The following RPRD1B variants were observed in gnomAD, a reference collection of about 807,000 sequenced individuals.
The protein encoded by RPRD1B is regulation of nuclear pre-mRNA domain-containing protein 1B.
A neutral mutation model predicts 41.5 loss-of-function variants in RPRD1B; 11 were observed. The observed-to-expected ratio is 0.27, with a 90% CI of 0.17 to 0.44. The LOEUF is 0.44. Among genes scored for constraint, RPRD1B ranks in the 20% least tolerant of loss-of-function variants. The pLI is 1.00. For synonymous variants in RPRD1B, 158 were observed against 155.6 expected, an observed-to-expected ratio of 1.02 and a Z score of -0.12; for missense variants, 248 against 389.9, an observed-to-expected ratio of 0.64 and a Z score of 3.06.
intron 6 of RPRD1B, among the ~76,000 whole-genome samples, chr20:38,067,739 G>A (rs369737263): frequency 7.9e-5 from 12 of 152,228 alleles, no homozygotes; most frequent in South Asian, 4.1e-4. Context: ...CCTAAAGGGA[G>A]TTTTACAGGC....
At chr20:38,060,279 A>T (rs1568652742) in intron 5 of RPRD1B, among the ~76,000 whole-genome samples, 2 of 152,162 alleles carry the variant, frequency 1.3e-5, no homozygotes, top group Non-Finnish European at 2.9e-5. Flanking sequence ...CCCCTTACAA[A>T]AGCTCAGACC....
At chr20:38,049,359 C>CTTT (rs367731624) in intron 3 of RPRD1B, among the ~76,000 whole-genome samples, 1 of 126,408 alleles carries the variant, frequency 7.9e-6, no homozygotes, top group African/African-American at 3.3e-5. Context: ...TTTTTTCTTT[C>CTTT]TTTTTTTCTT....
At chr20:38,035,224 A>C (rs1326316910) in intron 1 of RPRD1B, among the ~76,000 whole-genome samples, 1 of 152,208 alleles carries the variant, frequency 6.6e-6, no homozygotes, top group Admixed American at 6.5e-5. Context: ...AGTTGCTTAC[A>C]GTCTGGTGGG....
At chr20:38,086,936 G>T (rs760612868) in intron 6 of RPRD1B, among the ~76,000 whole-genome samples, 35 of 152,098 alleles carry the variant, frequency 2.3e-4, no homozygotes, top group Non-Finnish European at 4.7e-4. Flanking sequence ...CTGTTGTTTG[G>T]TTTTTTGGGG....
At chr20:38,049,890 T>C in intron 3 of RPRD1B, 1 of 469,706 alleles carries the variant, frequency 2.1e-6, no homozygotes, top group Non-Finnish European at 4.4e-6. Flanking sequence ...CTTCCTCACT[T>C]ACACTGTATT....
intron 2 of RPRD1B, among the ~76,000 whole-genome samples, chr20:38,046,952 G>A (rs1040491747): frequency 2.0e-5 from 3 of 152,152 alleles, no homozygotes; most frequent in South Asian, 2.1e-4. Flanking sequence ...TTGAAAACTC[G>A]AGAACAGGTT....
chr20:38,061,631 A>G (rs2074298389), intron 5 of RPRD1B, among the ~76,000 whole-genome samples: 1 of 152,030 alleles, frequency 6.6e-6, no homozygotes, highest in African/African-American at 2.4e-5. Flanking sequence ...TCCTCTAGCT[A>G]CTGCCTCATT....
intron 1 of RPRD1B, among the ~76,000 whole-genome samples, chr20:38,039,793 G>A (rs918948998): frequency 2.0e-5 from 3 of 148,716 alleles, no homozygotes; most frequent in African/African-American, 7.5e-5. Flanking sequence ...GAGTACAGTA[G>A]TGCAATCTCG....
intron 6 of RPRD1B, among the ~76,000 whole-genome samples, chr20:38,082,627 T>TC (rs1308662686): frequency 1.3e-5 from 2 of 152,200 alleles, no homozygotes; most frequent in Admixed American, 6.5e-5. Flanking sequence ...GACCTCGTGA[T>TC]CCGCCTGCCT....
intron 6 of RPRD1B, among the ~76,000 whole-genome samples, chr20:38,081,248 T>A (rs1242594855): frequency 6.6e-6 from 1 of 152,242 alleles, no homozygotes; most frequent in Non-Finnish European, 1.5e-5. Context: ...CTTTGAGCAG[T>A]GTTTTGTAAT....
chr20:38,034,144 C>T, intron 1 of RPRD1B, 46 bp downstream of exon 1: 2 of 1,587,208 alleles, frequency 1.3e-6, no homozygotes, highest in Non-Finnish European at 1.7e-6. Context: ...GGATTGTCCT[C>T]TCGCCCACAT....
rs561843624 is a variant in RPRD1B at position 38,066,074 on chromosome 20, T to G, written c.656-7T>G. 6.2e-7 allele frequency: 1 copy of G among 1,614,002 alleles called. No homozygotes were observed. The highest frequency in any genetic ancestry group is 1.3e-5 in the African/African-American group (1 of 75,048). ...TTTCTCTATTTTTTGGTCTCATTTG[T>G]ACTTAGACAAAGAGGCAGCTGAACG... On this transcript the variant is annotated splice_region_variant and splice_polypyrimidine_tract_variant and intron_variant, in intron 5 of 6. Transcript: ENST00000373433.
Position 38,090,167 on chromosome 20 carries a change from T to TA in RPRD1B, c.*293dup. ...GGTTTTCCATTCTTAACTGTCTCCTTATACCTAAGAAGTTATGAAAATCAT... is the reference window on the plus strand; with the variant it reads ...GGTTTTCCATTCTTAACTGTCTCCTTAATACCTAAGAAGTTATGAAAATCAT... On this transcript the variant is annotated 3_prime_UTR_variant, in exon 7 of 7. Coordinates refer to ENST00000373433, the MANE Select transcript of RPRD1B (RefSeq NM_021215.4). 1 of 1,095,016 alleles carries TA rather than the reference T, an allele frequency of 9.1e-7. No homozygotes were observed. Among genetic ancestry groups the TA allele is most frequent in the Non-Finnish European group, 1.1e-6 (1 of 899,128 alleles). 67.8% of individuals were successfully genotyped at this position (1,095,016 alleles called of 1,614,324 possible).
intron 6 of RPRD1B, among the ~76,000 whole-genome samples, chr20:38,089,205 GGAAT>G (rs2074590428): frequency 6.6e-6 from 1 of 152,178 alleles, no homozygotes; most frequent in South Asian, 2.1e-4. Context: ...ACTCAGTTAT[GGAAT>G]GAGGAGGCCC....
intron 3 of RPRD1B, among the ~76,000 whole-genome samples, chr20:38,055,185 A>T (rs193263411): frequency 1.6e-3 from 237 of 152,356 alleles, no homozygotes; most frequent in African/African-American, 4.4e-3. Flanking sequence ...AACAAAAGAG[A>T]TAATAAACTA....
chr20:38,057,767 G>A lies in RPRD1B; in HGVS notation c.528+123G>A, dbSNP rs1454651316. On this transcript the variant is annotated intron_variant, in intron 4 of 6. Coordinates refer to ENST00000373433, the MANE Select transcript of RPRD1B (RefSeq NM_021215.4). ...AATCATCAGAGGGCACCTCTCAGGG[G>A]CCCCGTGCATCATCCTGCCCAAAGG... The A allele has an allele frequency of 1.1e-5, 7 of 646,510 alleles. No individual in the cohort carries two copies. In the South Asian group the frequency reaches 1.2e-4, roughly 11 times the overall value. The allele number at this position is 646,510 out of a possible 1,614,324, so 40.0% of individuals were successfully genotyped here.
chr20:38,038,504 T>TG, intron 1 of RPRD1B, among the ~76,000 whole-genome samples: 1 of 142,712 alleles, frequency 7.0e-6, no homozygotes, highest in Admixed American at 6.9e-5. Context: ...TTTTTTTTTT[T>TG]TTTTTTTTTT....
intron 6 of RPRD1B, among the ~76,000 whole-genome samples, chr20:38,075,732 A>C (rs1399565312): frequency 2.0e-5 from 3 of 152,236 alleles, no homozygotes; most frequent in Admixed American, 2.0e-4. Context: ...TCATTTTCTG[A>C]GATCAGGGCA....
chr20:38,062,837 CCTTT>C (rs2074313060), intron 5 of RPRD1B, among the ~76,000 whole-genome samples: 1 of 98,240 alleles, frequency 1.0e-5, no homozygotes, highest in Non-Finnish European at 1.9e-5. Context: ...AGCCCCCCCC[CCTTT>C]TTTTTTTTTT....
Sources: allele counts gnomAD v4.1 joint callset (sites outside exome capture counted in the v4.1 genomes callset), GRCh38; gene constraint gnomAD v4.1.1; transcripts MANE v1.5; gene names NCBI Gene and HGNC (gene_info 2026-07-23, HGNC 2026-07-21).